GTF2I: variants seen among roughly 807,000 people sequenced by gnomAD.
The protein encoded by GTF2I is general transcription factor IIi.
GTF2I carries 12 observed loss-of-function variants against 67.6 expected under a neutral mutation model. The observed-to-expected ratio is 0.18, with a 90% CI of 0.11 to 0.29. The LOEUF is 0.29. Ranked by LOEUF, GTF2I falls within the 10% of genes least tolerant of loss-of-function variation. GTF2I has a pLI of 1.00. For synonymous variants in GTF2I, 149 were observed against 197.0 expected, an observed-to-expected ratio of 0.76 and a Z score of 2.04; for missense variants, 271 against 580.1, an observed-to-expected ratio of 0.47 and a Z score of 5.47.
intron 7 of GTF2I, among the ~76,000 whole-genome samples, chr7:74,705,433 A>T (rs1790505123): frequency 6.6e-6 from 1 of 152,214 alleles, no homozygotes; most frequent in Non-Finnish European, 1.5e-5. Context: ...GGCATTGGTC[A>T]CACTGTGAAT....
intron 3 of GTF2I, among the ~76,000 whole-genome samples, chr7:74,694,298 C>G (rs767535745): frequency 2.0e-5 from 3 of 152,032 alleles, no homozygotes; most frequent in African/African-American, 4.8e-5. Flanking sequence ...TAAGGAAAGA[C>G]ACAGTCAGCT....
At chr7:74,686,578 A>T (rs1787743205) in intron 1 of GTF2I, among the ~76,000 whole-genome samples, 1 of 152,230 alleles carries the variant, frequency 6.6e-6, no homozygotes, top group Non-Finnish European at 1.5e-5. Context: ...ATGAAAGTGT[A>T]CGCTAAGTGA....
At chr7:74,682,055 A>G (rs1412200115) in intron 1 of GTF2I, among the ~76,000 whole-genome samples, 8 of 152,186 alleles carry the variant, frequency 5.3e-5, no homozygotes, top group Non-Finnish European at 1.0e-4. Context: ...AGAGAATTCT[A>G]ATGACTTATT....
intron 1 of GTF2I, among the ~76,000 whole-genome samples, chr7:74,686,454 A>G (rs1200300035): frequency 6.6e-6 from 1 of 152,222 alleles, no homozygotes. Context: ...TAGTGGCAAT[A>G]TGACCTTGAC....
At chr7:74,712,749 C>T (rs781826474) in intron 9 of GTF2I, among the ~76,000 whole-genome samples, 19 of 147,996 alleles carry the variant, frequency 1.3e-4, no homozygotes, top group South Asian at 6.5e-4. Flanking sequence ...TTGCAACCTC[C>T]GCTTGCCGGG....
chr7:74,690,666 A>AG (rs1186825112), intron 2 of GTF2I, among the ~76,000 whole-genome samples: 2 of 152,162 alleles, frequency 1.3e-5, no homozygotes, highest in African/African-American at 4.8e-5. Flanking sequence ...ATCAGTGTTC[A>AG]GTGCTTCGTC....
chr7:74,658,824 GCCGTCTGGGTTCAGCCAGCA>G (rs1804197631), intron 1 of GTF2I, among the ~76,000 whole-genome samples: 1 of 152,090 alleles, frequency 6.6e-6, no homozygotes. Context: ...TGAAAATTAA[GCCGTCTGGGTTCAGCCAGCA>G]CCCAGACGAC....
chr7:74,662,712 C>T (rs376590544), intron 1 of GTF2I, among the ~76,000 whole-genome samples: 3 of 151,638 alleles, frequency 2.0e-5, no homozygotes, highest in East Asian at 3.9e-4. Flanking sequence ...TTAGTAGACA[C>T]GGGGTTTCAT....
intron 1 of GTF2I, among the ~76,000 whole-genome samples, chr7:74,672,556 C>G (rs1554391034): frequency 6.6e-6 from 1 of 151,152 alleles, no homozygotes; most frequent in South Asian, 2.1e-4. Context: ...AACAAACAAA[C>G]AAACAAAAAA....
intron 3 of GTF2I, 97 bp downstream of exon 3, chr7:74,691,208 CT>C (rs368243097): frequency 0.19 from 119,150 of 624,640 alleles, no homozygotes; most frequent in South Asian, 0.27. Context: ...TTCTTTCTTT[CT>C]TTTTTTTTTT....
intron 3 of GTF2I, among the ~76,000 whole-genome samples, chr7:74,697,025 G>T (rs1788993003): frequency 6.6e-6 from 1 of 151,462 alleles, no homozygotes. Context: ...GAAAAATAAA[G>T]AAAAACAAGT....
At chr7:74,662,511 C>CCTTTTTTTTTT (rs1804602513) in intron 1 of GTF2I, among the ~76,000 whole-genome samples, 1 of 50,200 alleles carries the variant, frequency 2.0e-5, no homozygotes, top group Admixed American at 3.4e-4. Context: ...CACCTGGACC[C>CCTTTTTTTTTT]TTTTTTTTTT....
chr7:74,679,732 C>A (rs2131251415), intron 1 of GTF2I, among the ~76,000 whole-genome samples: 1 of 152,120 alleles, frequency 6.6e-6, no homozygotes, highest in African/African-American at 2.4e-5. Flanking sequence ...GCCACCACAC[C>A]TGGCTGTAAA....
intron 3 of GTF2I, among the ~76,000 whole-genome samples, chr7:74,692,076 T>G (rs587679592): frequency 4.6e-5 from 6 of 129,394 alleles, no homozygotes; most frequent in African/African-American, 1.7e-4. Flanking sequence ...CACTCTCGGC[T>G]TTTTTTTTTT....
In GTF2I at chr7:74,659,750, C is replaced by G. The variant is rs587742159; in HGVS notation, c.-6+1682C>G. Among the ~76,000 whole-genome samples the G allele has an allele frequency of 2.0e-5, 3 of 152,124 alleles. No homozygotes were observed. In the East Asian group the frequency reaches 5.8e-4, roughly 29 times the overall value. On this transcript the variant is annotated intron_variant, in intron 1 of 34. Transcript: ENST00000573035. ...TAGAGATGGGGTCTTCTTGTGTTGC[C>G]TAGGCTGGTCGGGAACTCCTGGACT...
At chr7:74,705,296 A>C in intron 7 of GTF2I, 78 bp downstream of exon 7, 1 of 866,798 alleles carries the variant, frequency 1.2e-6, no homozygotes, top group Non-Finnish European at 1.9e-6. Flanking sequence ...GAGATATCAG[A>C]ATATTAAAAA....
At chr7:74,684,324 T>C (rs1787505605) in intron 1 of GTF2I, among the ~76,000 whole-genome samples, 1 of 152,260 alleles carries the variant, frequency 6.6e-6, no homozygotes, top group African/African-American at 2.4e-5. Flanking sequence ...ACGAGGCAAC[T>C]GAGTACAGCC....
chr7:74,676,449 T>C (rs912260824), intron 1 of GTF2I, among the ~76,000 whole-genome samples: 1 of 152,028 alleles, frequency 6.6e-6, no homozygotes, highest in South Asian at 2.1e-4. Flanking sequence ...GAGACCCTTA[T>C]CTGAAAAACA....
chr7:74,723,854 GAAA>G (rs1400817751), intron 12 of GTF2I, among the ~76,000 whole-genome samples: 1 of 139,040 alleles, frequency 7.2e-6, no homozygotes, highest in Non-Finnish European at 1.6e-5. Context: ...AGAAAAGGGG[GAAA>G]AAAAAAAAAA....
Sources: gnomAD v4.1 joint callset for allele counts (sites outside exome capture counted in the v4.1 genomes callset) on GRCh38, gnomAD v4.1.1 for gene constraint, MANE v1.5 for transcripts, NCBI Gene and HGNC (gene_info 2026-07-23, HGNC 2026-07-21) for gene names.